CPPED1: variants seen among roughly 807,000 people sequenced by gnomAD.
CPPED1 encodes the protein serine/threonine-protein phosphatase CPPED1.
In CPPED1, 28 loss-of-function variants were observed where a neutral mutation model predicts 28.0. The observed-to-expected ratio is 1.00, with a 90% CI of 0.74 to 1.37. CPPED1 has a LOEUF of 1.37. Among genes scored for constraint, CPPED1 ranks in the 40% most tolerant of loss-of-function variants. The pLI is 0.00. For synonymous variants in CPPED1, 198 were observed against 180.2 expected, an observed-to-expected ratio of 1.10 and a Z score of -0.79; for missense variants, 504 against 416.5, an observed-to-expected ratio of 1.21 and a Z score of -1.83.
At chr16:12,797,243 C>T (rs2080632839) in intron 1 of CPPED1, among the ~76,000 whole-genome samples, 1 of 152,012 alleles carries the variant, frequency 6.6e-6, no homozygotes, top group Non-Finnish European at 1.5e-5. Flanking sequence ...TAAATTATAC[C>T]TCAAGAAAGT....
intron 3 of CPPED1, among the ~76,000 whole-genome samples, chr16:12,689,716 C>G (rs141734959): frequency 1.3e-5 from 2 of 152,156 alleles, no homozygotes; most frequent in Admixed American, 1.3e-4. Context: ...ATAAGGCTCT[C>G]ACAGAGAAAA....
At chr16:12,679,424 T>A (rs9937370) in intron 3 of CPPED1, among the ~76,000 whole-genome samples, 99,105 of 152,134 alleles carry the variant, frequency 0.65, 35,146 homozygotes, top group Non-Finnish European at 0.82. Flanking sequence ...AAATACAGAA[T>A]ATCAAACAAA....
At chr16:12,727,437 C>A (rs137931655) in intron 2 of CPPED1, among the ~76,000 whole-genome samples, 1 of 152,128 alleles carries the variant, frequency 6.6e-6, no homozygotes, top group Admixed American at 6.6e-5. Context: ...ACTACAGACT[C>A]GACCTCCTGG....
chr16:12,745,880 G>C lies in CPPED1; in HGVS notation c.289+35305C>G, dbSNP rs547178319. 8.5e-5 allele frequency: 13 copies of C among 152,206 alleles called. No homozygotes were observed. In the East Asian group the frequency reaches 2.5e-3, roughly 29 times the overall value. 9.4% of individuals were successfully genotyped at this position (152,206 alleles called of 1,614,324 possible). A position where few individuals can be genotyped will look rare whatever the true frequency, so the allele number is the denominator to read the frequency against. ...ATGAAAAACAGAAGAAACATAAAAT[G>C]ACACCAAGGCATATTATAATCAAAT... is the stretch of plus-strand genomic sequence containing the variant. On this transcript the variant is annotated intron_variant, in intron 2 of 3. Coordinates refer to ENST00000381774, the MANE Select transcript of CPPED1 (RefSeq NM_018340.3).
intron 3 of CPPED1, among the ~76,000 whole-genome samples, chr16:12,674,463 C>G (rs904767899): frequency 4.6e-5 from 7 of 152,280 alleles, no homozygotes; most frequent in African/African-American, 1.4e-4. Flanking sequence ...GTCTATTTCT[C>G]AGCTCCAGGG....
At chr16:12,701,110 TC>T (rs1349496239) in intron 3 of CPPED1, among the ~76,000 whole-genome samples, 1 of 151,930 alleles carries the variant, frequency 6.6e-6, no homozygotes, top group Admixed American at 6.6e-5. Flanking sequence ...TCCCCTGTAG[TC>T]CCAGCTACTT....
chr16:12,731,123 C>CA (rs1386482469), intron 2 of CPPED1, among the ~76,000 whole-genome samples: 4 of 149,950 alleles, frequency 2.7e-5, no homozygotes, highest in African/African-American at 9.8e-5. Context: ...GCCTGGGCAA[C>CA]ATATGGAGAC....
chr16:12,671,382 T>C (rs141696272), intron 3 of CPPED1, among the ~76,000 whole-genome samples: 393 of 151,554 alleles, frequency 2.6e-3, no homozygotes, highest in African/African-American at 8.7e-3. Context: ...AGATTGAGAA[T>C]GGTGGTAAAG....
rs115406258 is a variant in CPPED1, at chr16:12,801,850, A to C, written c.70+1857T>G. Among the ~76,000 whole-genome samples, 848 of 152,224 alleles carry C rather than the reference A, an allele frequency of 5.6e-3. 11 individuals carry two copies. Among genetic ancestry groups the C allele is most frequent in the African/African-American group, 0.02 (812 of 41,536 alleles). ...GAGTGTGGTAACCCAAGGTTAGAAAAGCAGAACCACTGCCACTCCCACGCC... is the reference window on the plus strand; with the variant it reads ...GAGTGTGGTAACCCAAGGTTAGAAACGCAGAACCACTGCCACTCCCACGCC... On this transcript the variant is annotated intron_variant, in intron 1 of 3. Transcript: ENST00000381774.
intron 2 of CPPED1, among the ~76,000 whole-genome samples, chr16:12,747,006 T>C (rs1440161401): frequency 2.0e-5 from 3 of 150,280 alleles, no homozygotes; most frequent in African/African-American, 7.4e-5. Flanking sequence ...AAATGGGAAG[T>C]AGTGTTACAA....
chr16:12,679,143 G>A (rs1324586665), intron 3 of CPPED1, among the ~76,000 whole-genome samples: 1 of 152,178 alleles, frequency 6.6e-6, no homozygotes, highest in Non-Finnish European at 1.5e-5. Flanking sequence ...AGGACCTAAA[G>A]TAAATATTTG....
In CPPED1 at chr16:12,665,015, GCCCAGC is replaced by G; in HGVS notation, c.810_815del (p.Gln270_Gly272delinsHis). 6.2e-7 allele frequency: 1 copy of G among 1,610,440 alleles called. No individual in the cohort carries two copies. The highest frequency in any genetic ancestry group is 1.1e-5 in the South Asian group (1 of 90,706). ...CGACTCGGAGCCCGTGGGGGTCTCT[GCCCAGC>G]TGGCATCCAATGGCAGATGACACCA... On this transcript the variant is annotated inframe_deletion, in exon 4 of 4. Coordinates refer to ENST00000381774, the MANE Select transcript of CPPED1 (RefSeq NM_018340.3).
chr16:12,716,750 G>C lies in CPPED1; in HGVS notation c.290-11701C>G, dbSNP rs559866398. Among the ~76,000 whole-genome samples the C allele has an allele frequency of 2.0e-5, 3 of 152,328 alleles. No individual in the cohort carries two copies. The East Asian group carries it at 5.8e-4, about 29-fold the overall frequency. Reference sequence around the variant, plus strand: ...CATAAAAATTATTTGTCTTCAGGTAGGCATTTATTCAATGCACCCCTGCTA... The same window carrying C: ...CATAAAAATTATTTGTCTTCAGGTACGCATTTATTCAATGCACCCCTGCTA... On this transcript the variant is annotated intron_variant, in intron 2 of 3. Transcript: ENST00000381774.
Position 12,704,642 on chromosome 16 carries a change from C to A in CPPED1, c.697G>T (p.Asp233Tyr). The change falls in exon 3 of 4, where the codon GAC (aspartate) becomes TAC (tyrosine). Residue 233 changes from aspartate (D) to tyrosine (Y), a missense_variant. By Grantham distance (160) the Asp-to-Tyr change is radical (BLOSUM62 -3). Coordinates refer to ENST00000381774, the MANE Select transcript of CPPED1 (RefSeq NM_018340.3). ...LSKSTRKKLA[D>Y]KFIHAGVKVV... is the part of the protein sequence containing the mutation. The stretch of plus-strand genomic sequence containing the variant: ...CCTCTACCTGCGTGGATGAACTTGT[C>A]TGCCAACTTCTTCCGAGTGGACTTG... 1 of 1,610,510 alleles carries A rather than the reference C, an allele frequency of 6.2e-7. No individual in the cohort carries two copies. Among genetic ancestry groups the A allele is most frequent in the Non-Finnish European group, 8.5e-7 (1 of 1,177,170 alleles).
chr16:12,702,911 C>A (rs2080027962), intron 3 of CPPED1, among the ~76,000 whole-genome samples: 1 of 150,800 alleles, frequency 6.6e-6, no homozygotes, highest in African/African-American at 2.4e-5. Context: ...ACTCAGCAGT[C>A]TGAGGCAGAA....
chr16:12,803,251 G>A (rs2080671516), intron 1 of CPPED1, among the ~76,000 whole-genome samples: 1 of 152,154 alleles, frequency 6.6e-6, no homozygotes, highest in Non-Finnish European at 1.5e-5. Context: ...ACGTCATTAT[G>A]GAGTACAGAA....
chr16:12,691,940 G>A (rs895118172), intron 3 of CPPED1, among the ~76,000 whole-genome samples: 1 of 151,120 alleles, frequency 6.6e-6, no homozygotes, highest in African/African-American at 2.5e-5. Context: ...TTGTTCACAT[G>A]TACCCTAAAA....
intron 3 of CPPED1, among the ~76,000 whole-genome samples, chr16:12,668,513 AC>A (rs2079837671): frequency 6.6e-6 from 1 of 152,186 alleles, no homozygotes. Flanking sequence ...AAAATTACCA[AC>A]TTTTGTGCTC....
chr16:12,707,731 C>T (rs544335529), intron 2 of CPPED1, among the ~76,000 whole-genome samples: 4 of 152,102 alleles, frequency 2.6e-5, no homozygotes, highest in Non-Finnish European at 4.4e-5. Context: ...GAATTACACA[C>T]AGTAATGTGA....
Sources: allele counts gnomAD v4.1 joint callset (sites outside exome capture counted in the v4.1 genomes callset), GRCh38; gene constraint gnomAD v4.1.1; transcripts MANE v1.5; gene names NCBI Gene and HGNC (gene_info 2026-07-23, HGNC 2026-07-21).